The following FGD6 variants were observed in gnomAD, a reference collection of about 807,000 sequenced individuals.
FGD6 encodes the protein FYVE, RhoGEF and PH domain-containing protein 6.
A neutral mutation model predicts 149.4 loss-of-function variants in FGD6; 90 were observed. That is an observed-to-expected ratio of 0.60 (90% confidence interval 0.51 to 0.72). FGD6 has a LOEUF of 0.72. FGD6 is among the 30% of genes least tolerant of loss of function. The pLI, the probability that FGD6 is intolerant of heterozygous loss-of-function variation, is 0.00. For missense variants in FGD6, 1,437 were observed against 1,684.8 expected, an observed-to-expected ratio of 0.85 and a Z score of 2.57; for synonymous variants, 527 against 584.0, an observed-to-expected ratio of 0.90 and a Z score of 1.41.
intron 2 of FGD6, among the ~76,000 whole-genome samples, chr12:95,201,986 ACACACACACACACAT>A (rs1214636531): frequency 6.6e-6 from 1 of 150,484 alleles, no homozygotes; most frequent in African/African-American, 2.5e-5. Flanking sequence ...ACACACACAC[ACACACACACACACAT>A]CTTCTTCTTC....
intron 5 of FGD6, among the ~76,000 whole-genome samples, chr12:95,150,956 C>T (rs573325347): frequency 1.6e-4 from 24 of 151,804 alleles, no homozygotes; most frequent in African/African-American, 5.8e-4. Flanking sequence ...ATTAGCCTGG[C>T]GTGGTGGATG....
At chr12:95,201,955 TACACACAC>T (rs71078621) in intron 2 of FGD6, among the ~76,000 whole-genome samples, 26,680 of 146,340 alleles carry the variant, frequency 0.18, 2,465 homozygotes, top group East Asian at 0.21. Context: ...CAGGACAGAA[TACACACAC>T]ACACACACAC....
chr12:95,194,679 G>A (rs1881692291), intron 2 of FGD6, among the ~76,000 whole-genome samples: 1 of 152,134 alleles, frequency 6.6e-6, no homozygotes, highest in African/African-American at 2.4e-5. Context: ...AGATGGAGAT[G>A]CAAACCTACA....
chr12:95,081,797 C>G (rs1877684206), intron 20 of FGD6, among the ~76,000 whole-genome samples: 1 of 151,672 alleles, frequency 6.6e-6, no homozygotes, highest in African/African-American at 2.4e-5. Context: ...CGATTCCTCC[C>G]AAGTAGCTCG....
chr12:95,150,019 C>G (rs1023785722), intron 5 of FGD6, among the ~76,000 whole-genome samples: 1 of 146,552 alleles, frequency 6.8e-6, no homozygotes, highest in Admixed American at 6.9e-5. Context: ...CACACACACA[C>G]ACACACACAC....
At chr12:95,097,423 G>A (rs113017965) in intron 14 of FGD6, among the ~76,000 whole-genome samples, 15,650 of 151,994 alleles carry the variant, frequency 0.1, 1,164 homozygotes, top group African/African-American at 0.2. Context: ...ATCACCTGAC[G>A]TCAGGAGTTC....
At chr12:95,112,651 G>A (rs1455150499) in intron 9 of FGD6, among the ~76,000 whole-genome samples, 2 of 152,118 alleles carry the variant, frequency 1.3e-5, no homozygotes, top group African/African-American at 4.8e-5. Context: ...GAGGTTGTTG[G>A]GAATAAACAG....
intron 3 of FGD6, among the ~76,000 whole-genome samples, chr12:95,161,918 C>T (rs1411261212): frequency 6.6e-6 from 1 of 151,982 alleles, no homozygotes; most frequent in Non-Finnish European, 1.5e-5. Context: ...TTCCCAGGTA[C>T]TGTCTTAGAA....
intron 1 of FGD6, among the ~76,000 whole-genome samples, chr12:95,211,864 G>T (rs1157738126): frequency 2.0e-5 from 3 of 152,112 alleles, no homozygotes; most frequent in African/African-American, 7.2e-5. Context: ...GACAAAAAAT[G>T]AGATAATTGA....
rs60594478 is a variant in FGD6 at position 95,083,012 on chromosome 12, A to AT, written c.4257-1457_4257-1456insA. 2.8e-3 allele frequency among the ~76,000 whole-genome samples: 56 copies of AT among 19,874 alleles called. 1 individual carries two copies. The highest frequency in any genetic ancestry group is 3.4e-3 in the Non-Finnish European group (41 of 11,928). The allele number at this position is 19,874 out of a possible 152,430, so 13.0% of individuals were successfully genotyped here. On this transcript the variant is annotated intron_variant, in intron 20 of 20. Transcript: ENST00000343958. ...AAAAAAAAAAAAAAAAAAAAAAAAA[A>AT]ATATATATATATATATATACACACA...
At chr12:95,158,555 C>G (rs1158199156) in intron 3 of FGD6, among the ~76,000 whole-genome samples, 1 of 151,940 alleles carries the variant, frequency 6.6e-6, no homozygotes, top group African/African-American at 2.4e-5. Context: ...ATATCAGGCA[C>G]TAAATAATCA....
intron 14 of FGD6, among the ~76,000 whole-genome samples, chr12:95,104,723 G>T (rs958297915): frequency 1.2e-4 from 18 of 152,052 alleles, no homozygotes; most frequent in African/African-American, 4.3e-4. Context: ...TATTACAGGG[G>T]TGAGCTACCA....
intron 1 of FGD6, among the ~76,000 whole-genome samples, chr12:95,214,229 T>C (rs2056741367): frequency 6.6e-6 from 1 of 152,232 alleles, no homozygotes; most frequent in African/African-American, 2.4e-5. Context: ...ATACACATAC[T>C]CTTTAATATG....
intron 5 of FGD6, among the ~76,000 whole-genome samples, chr12:95,149,087 A>G (rs867593773): frequency 6.8e-5 from 1 of 14,602 alleles, no homozygotes; most frequent in East Asian, 9.6e-3. Flanking sequence ...TATAGCATAT[A>G]TTATATATAT....
chr12:95,154,278 G>T (rs1880402379), intron 3 of FGD6, among the ~76,000 whole-genome samples: 1 of 151,738 alleles, frequency 6.6e-6, no homozygotes, highest in East Asian at 1.9e-4. Flanking sequence ...CTTTTATTAT[G>T]GACTACTTTG....
chr12:95,127,745 GTAATA>G (rs776622583), intron 8 of FGD6, among the ~76,000 whole-genome samples: 1 of 152,102 alleles, frequency 6.6e-6, no homozygotes, highest in Non-Finnish European at 1.5e-5. Flanking sequence ...ACGAGAAAAA[GTAATA>G]TAATATGTTG....
intron 1 of FGD6, 131 bp from the exon 2 acceptor site, chr12:95,211,398 G>A (rs1438829244): frequency 9.5e-6 from 10 of 1,050,180 alleles, no homozygotes; most frequent in Non-Finnish European, 1.3e-5. Flanking sequence ...ACATTATATA[G>A]TATCAATATT....
At chr12:95,130,984 T>C (rs1388996763) in intron 8 of FGD6, among the ~76,000 whole-genome samples, 1 of 152,210 alleles carries the variant, frequency 6.6e-6, no homozygotes, top group Non-Finnish European at 1.5e-5. Flanking sequence ...CAATTAAAGC[T>C]GTGTAGCCTT....
At chr12:95,112,980 G>C (rs1441058100) in intron 9 of FGD6, among the ~76,000 whole-genome samples, 1 of 152,106 alleles carries the variant, frequency 6.6e-6, no homozygotes, top group Admixed American at 6.6e-5. Flanking sequence ...CCCTGTTTTT[G>C]AAAGACAAAG....
Sources: allele counts gnomAD v4.1 joint callset (sites outside exome capture counted in the v4.1 genomes callset), GRCh38; gene constraint gnomAD v4.1.1; transcripts MANE v1.5; gene names NCBI Gene and HGNC (gene_info 2026-07-23, HGNC 2026-07-21).